DNAAF1: variants seen among roughly 807,000 people sequenced by gnomAD.
DNAAF1 encodes the protein dynein assembly factor 1, axonemal.
In DNAAF1, 65 loss-of-function variants were observed where a neutral mutation model predicts 71.1. The ratio of observed to expected loss-of-function variants is 0.91; its 90% CI spans 0.75 to 1.12. The LOEUF is 1.12. Among genes scored for constraint, DNAAF1 ranks in the 50% most tolerant of loss-of-function variants. The pLI is 0.00. For missense variants in DNAAF1, 1,178 were observed against 899.8 expected (o/e 1.31, Z -3.96); for synonymous variants, 414 against 354.6 (o/e 1.17, Z -1.88).
At chr16:84,168,974 G>C (rs2088175049) in intron 7 of DNAAF1, among the ~76,000 whole-genome samples, 1 of 151,358 alleles carries the variant, frequency 6.6e-6, no homozygotes, top group South Asian at 2.1e-4. Flanking sequence ...TGATAGCTGT[G>C]ACCTGTTCCA....
At chr16:84,148,466 T>G (rs1056972073) in intron 1 of DNAAF1, among the ~76,000 whole-genome samples, 1 of 152,128 alleles carries the variant, frequency 6.6e-6, no homozygotes, top group East Asian at 1.9e-4. Context: ...CAAATCTCTT[T>G]GTCCATGTTT....
In DNAAF1 at chr16:84,170,158, G is replaced by C; in HGVS notation, c.1330G>C (p.Ala444Pro). The C allele has an allele frequency of 1.3e-6, 2 of 1,585,956 alleles. No homozygotes were observed. The highest frequency in any genetic ancestry group is 1.7e-6 in the Non-Finnish European group (2 of 1,162,456). ...GDGEPEGTLPAEAPPPPPPVE... is the reference protein window; with the variant it reads ...GDGEPEGTLPPEAPPPPPPVE... ...TGGAGAGCCAGAGGGGACCCTCCCA[G>C]CTGAGGCCCCACCACCCCCGCCACC... Residue 444 changes from alanine to proline, a missense_variant, in exon 8 of 12, where the codon GCT (alanine) becomes CCT (proline). Transcript: ENST00000378553.
intron 3 of DNAAF1, among the ~76,000 whole-genome samples, chr16:84,152,339 A>G (rs1241584881): frequency 2.0e-5 from 3 of 152,170 alleles, no homozygotes; most frequent in African/African-American, 7.2e-5. Flanking sequence ...AGAGAGAGAC[A>G]TACACACACT....
chr16:84,171,638 C>T (rs1271297482), intron 8 of DNAAF1, among the ~76,000 whole-genome samples: 1 of 152,166 alleles, frequency 6.6e-6, no homozygotes, highest in Non-Finnish European at 1.5e-5. Flanking sequence ...AAGCCTGCCC[C>T]TCCGTCTCTG....
chr16:84,168,852 A>ACACACACC (rs2088166475), intron 7 of DNAAF1, among the ~76,000 whole-genome samples: 1 of 151,536 alleles, frequency 6.6e-6, no homozygotes, highest in Non-Finnish European at 1.5e-5. Context: ...ACACACACAC[A>ACACACACC]CACACTTTGC....
chr16:84,148,869 C>T, intron 1 of DNAAF1, 138 bp from the exon 2 acceptor site: 1 of 992,656 alleles, frequency 1.0e-6, no homozygotes, highest in Non-Finnish European at 1.5e-6. Flanking sequence ...GGATTACAGG[C>T]CTGAGCCACC....
At chr16:84,176,517 G>C in intron 11 of DNAAF1, 1 of 694,522 alleles carries the variant, frequency 1.4e-6, no homozygotes, top group Non-Finnish European at 2.4e-6. Context: ...AAGCCACCGA[G>C]CCAGCCTCCT....
intron 6 of DNAAF1, among the ~76,000 whole-genome samples, chr16:84,163,731 G>C (rs968359154): frequency 6.6e-6 from 1 of 152,024 alleles, no homozygotes; most frequent in South Asian, 2.1e-4. Context: ...TCTCATTGTG[G>C]TTTCCATCTG....
rs1185038969 is a variant in DNAAF1, at chr16:84,174,341, C to CAA, written c.1645-327_1645-326insAA. 5 of 1,254,736 alleles carry CAA rather than the reference C, an allele frequency of 4.0e-6. No individual in the cohort carries two copies. The African/African-American group carries it at 7.6e-5, about 19-fold the overall frequency. 77.7% of individuals were successfully genotyped at this position (1,254,736 alleles called of 1,614,324 possible). The stretch of plus-strand genomic sequence containing the variant: ...TTTCGGACTAGTTTGTACAGAGGTG[C>CAA]ATTTGGTTTGGGTCCCATTATTTCC... On this transcript the variant is annotated intron_variant, in intron 9 of 11. Transcript: ENST00000378553.
intron 3 of DNAAF1, among the ~76,000 whole-genome samples, chr16:84,150,605 T>C (rs2151210916): frequency 6.7e-6 from 1 of 149,740 alleles, no homozygotes; most frequent in East Asian, 2.0e-4. Flanking sequence ...GAATTTTTTT[T>C]TCTTTTCTTT....
At chr16:84,154,821 G>A in intron 4 of DNAAF1, 23 bp downstream of exon 4, 1 of 1,570,532 alleles carries the variant, frequency 6.4e-7, no homozygotes, top group Non-Finnish European at 8.8e-7. Flanking sequence ...AGCAAGCAGT[G>A]TGTCTGTTTG....
At chr16:84,165,684 C>G in intron 6 of DNAAF1, 99 bp from the exon 7 acceptor site, 1 of 1,158,732 alleles carries the variant, frequency 8.6e-7, no homozygotes, top group African/African-American at 1.5e-5. Flanking sequence ...ATGTCTGATG[C>G]TCACTTTGCT....
At chr16:84,148,888 C>T in intron 1 of DNAAF1, 119 bp from the exon 2 acceptor site, 2 of 1,179,716 alleles carry the variant, frequency 1.7e-6, no homozygotes, top group South Asian at 1.3e-5. Flanking sequence ...CCATACCCAG[C>T]CACTAAAGAA....
In DNAAF1 at chr16:84,159,801, G is replaced by A. The variant is rs2087616280; in HGVS notation, c.863+5G>A. The A allele has an allele frequency of 5.6e-6, 9 of 1,613,366 alleles. No individual in the cohort carries two copies. Among genetic ancestry groups the A allele is most frequent in the South Asian group, 1.1e-5 (1 of 91,024 alleles). On this transcript the variant is annotated splice_donor_5th_base_variant and intron_variant, in intron 6 of 11. Coordinates refer to ENST00000378553, the MANE Select transcript of DNAAF1 (RefSeq NM_178452.6). ...ACCAGTGTTTCCAAAGGACAGGTAA[G>A]AAGAGAAAAGCCTTCTGATCACATT...
rs1171690173 is a variant in DNAAF1 at position 84,175,932 on chromosome 16, G to A, written c.1699-1G>A. The A allele has an allele frequency of 6.2e-7, 1 of 1,613,926 alleles. No individual in the cohort carries two copies. Among genetic ancestry groups the A allele is most frequent in the Non-Finnish European group, 8.5e-7 (1 of 1,180,038 alleles). ...TCAGACACCTTTTCTTCTGTAAATAGAATATGTGCTTTCCGAAGATTGAGG... is the reference window on the plus strand; with the variant it reads ...TCAGACACCTTTTCTTCTGTAAATAAAATATGTGCTTTCCGAAGATTGAGG... On this transcript the variant is annotated splice_acceptor_variant, in intron 10 of 11. Coordinates refer to ENST00000378553, the MANE Select transcript of DNAAF1 (RefSeq NM_178452.6). LOFTEE classifies it high-confidence loss of function.
chr16:84,146,696 G>T (rs564505529), intron 1 of DNAAF1, among the ~76,000 whole-genome samples: 5 of 151,470 alleles, frequency 3.3e-5, no homozygotes, highest in South Asian at 2.1e-4. Context: ...AGTGAGCCAA[G>T]ATCACACCAC....
chr16:84,166,743 C>T (rs1402577461), intron 7 of DNAAF1, among the ~76,000 whole-genome samples: 1 of 152,190 alleles, frequency 6.6e-6, no homozygotes, highest in African/African-American at 2.4e-5. Context: ...TACCTGCCAG[C>T]ACCAGTGAGA....
intron 8 of DNAAF1, among the ~76,000 whole-genome samples, chr16:84,171,763 C>G (rs2088361579): frequency 6.6e-6 from 1 of 152,162 alleles, no homozygotes; most frequent in Non-Finnish European, 1.5e-5. Context: ...TGGGATTCGC[C>G]TCCAGATTAC....
At chr16:84,158,624 G>A (rs2087553120) in intron 5 of DNAAF1, among the ~76,000 whole-genome samples, 2 of 152,114 alleles carry the variant, frequency 1.3e-5, no homozygotes, top group South Asian at 2.1e-4. Context: ...TCCCAACACC[G>A]TTTACCCCTT....
Sources: gnomAD v4.1 joint callset for allele counts (sites outside exome capture counted in the v4.1 genomes callset) on GRCh38, gnomAD v4.1.1 for gene constraint, MANE v1.5 for transcripts, NCBI Gene and HGNC (gene_info 2026-07-23, HGNC 2026-07-21) for gene names.